The following FARS2 variants were observed in gnomAD, a reference collection of about 807,000 sequenced individuals.
The protein encoded by FARS2 is phenylalanyl-tRNA synthetase 2, mitochondrial, also known as phenylalanine--tRNA ligase, mitochondrial.
Under a neutral mutation model 46.4 loss-of-function variants are expected in FARS2, and 40 were observed. That is an observed-to-expected ratio of 0.86 (90% CI 0.67 to 1.12). FARS2 has a LOEUF of 1.12. FARS2 is among the 50% of genes most tolerant of loss of function. The pLI is 0.00. For missense variants in FARS2, 513 were observed against 567.9 expected, an observed-to-expected ratio of 0.90 and a Z score of 0.98; for synonymous variants, 234 against 214.9, an observed-to-expected ratio of 1.09 and a Z score of -0.78.
intron 5 of FARS2, among the ~76,000 whole-genome samples, chr6:5,551,808 G>A (rs1017191142): frequency 1.3e-5 from 2 of 152,054 alleles, no homozygotes; most frequent in Admixed American, 6.6e-5. Flanking sequence ...ACAGCATCAC[G>A]TTGCCTTCCC....
At chr6:5,539,245 G>C (rs1366685013) in intron 4 of FARS2, among the ~76,000 whole-genome samples, 1 of 150,418 alleles carries the variant, frequency 6.6e-6, no homozygotes, top group Admixed American at 6.6e-5. Flanking sequence ...CTCGCTCTGT[G>C]GCCCAGACTG....
intron 6 of FARS2, among the ~76,000 whole-genome samples, chr6:5,758,615 C>T (rs769894861): frequency 8.5e-5 from 13 of 152,276 alleles, no homozygotes; most frequent in African/African-American, 2.2e-4. Context: ...GCTGCCTTTA[C>T]GCTCTGCAGA....
At chr6:5,627,498 C>T (rs969902007) in intron 6 of FARS2, among the ~76,000 whole-genome samples, 13 of 152,216 alleles carry the variant, frequency 8.5e-5, no homozygotes, top group Admixed American at 6.5e-5. Flanking sequence ...GCTAATTTCT[C>T]GTAGCAGATT....
chr6:5,658,257 A>C (rs1428013213), intron 6 of FARS2, among the ~76,000 whole-genome samples: 1 of 14,236 alleles, frequency 7.0e-5, no homozygotes, highest in East Asian at 1.6e-3. Context: ...ACTCTGTCTC[A>C]AAAAAAAAAA....
At position 5,605,125 on chromosome 6, in the gene FARS2, G is replaced by A. The variant is rs548551372; in HGVS notation, c.1066-8044G>A. Reference sequence around the variant, plus strand: ...AGTGACAGATCAAAATCTAAAAAGCGAAAATGAAAAAGTCATAATCGTGCC... The same window carrying A: ...AGTGACAGATCAAAATCTAAAAAGCAAAAATGAAAAAGTCATAATCGTGCC... On this transcript the variant is annotated intron_variant, in intron 5 of 6. Transcript: ENST00000274680. 2.6e-5 allele frequency among the ~76,000 whole-genome samples: 4 copies of A among 152,180 alleles called. 1 individual carries two copies. Among genetic ancestry groups the A allele is most frequent in the South Asian group, 4.2e-4 (2 of 4,814 alleles).
At chr6:5,267,584 A>G (rs1031879258) in intron 1 of FARS2, among the ~76,000 whole-genome samples, 1 of 151,960 alleles carries the variant, frequency 6.6e-6, no homozygotes, top group Admixed American at 6.6e-5. Flanking sequence ...ACCCGTCTCT[A>G]CTAAAAAAAT....
intron 1 of FARS2, among the ~76,000 whole-genome samples, chr6:5,264,868 G>C (rs572146718): frequency 1.6e-4 from 25 of 151,946 alleles, no homozygotes; most frequent in African/African-American, 5.1e-4. Context: ...ATCATATCTC[G>C]TTGTAACTTC....
At chr6:5,687,300 T>C (rs891537011) in intron 6 of FARS2, among the ~76,000 whole-genome samples, 61 of 152,364 alleles carry the variant, frequency 4.0e-4, no homozygotes, top group Non-Finnish European at 7.6e-4. Context: ...TGGTATTGCC[T>C]AGGTTTTCTT....
intron 1 of FARS2, among the ~76,000 whole-genome samples, chr6:5,281,950 G>A (rs1420846714): frequency 6.6e-6 from 1 of 152,138 alleles, no homozygotes; most frequent in Non-Finnish European, 1.5e-5. Context: ...TAAGTGACAG[G>A]TGGTAAAATG....
intron 6 of FARS2, among the ~76,000 whole-genome samples, chr6:5,638,993 C>T (rs1776677861): frequency 6.6e-6 from 1 of 152,186 alleles, no homozygotes; most frequent in African/African-American, 2.4e-5. Flanking sequence ...CTTGTATAGC[C>T]TGTCAACTAC....
rs116562252 is a variant in FARS2, at chr6:5,277,877, A to G, written c.-22+16217A>G. Among the ~76,000 whole-genome samples the G allele has an allele frequency of 9.4e-3, 1,435 of 152,294 alleles. 22 individuals are homozygous for G. Among genetic ancestry groups the G allele is most frequent in the African/African-American group, 0.032 (1,348 of 41,554 alleles). On this transcript the variant is annotated intron_variant, in intron 1 of 6. Transcript: ENST00000274680. Reference sequence around the variant, plus strand: ...CTGCCCCCGACCCCTCATTTTAAGGAATATCACTGTACCCAGTCCATTTTG... The same window carrying G: ...CTGCCCCCGACCCCTCATTTTAAGGGATATCACTGTACCCAGTCCATTTTG...
At chr6:5,605,992 A>ACCCAGAATG (rs1308042113) in intron 5 of FARS2, among the ~76,000 whole-genome samples, 1 of 152,168 alleles carries the variant, frequency 6.6e-6, no homozygotes, top group Non-Finnish European at 1.5e-5. Context: ...TGAAGAATTC[A>ACCCAGAATG]CCCAGAATGC....
chr6:5,260,673 T>G (rs1002996135), upstream of FARS2: 2 of 1,534,536 alleles, frequency 1.3e-6, no homozygotes, highest in Non-Finnish European at 1.8e-6. Context: ...CTGAAACGCT[T>G]GCTCTCTCTC....
At chr6:5,260,929 G>A (rs2127792686), upstream of FARS2, 3 of 1,360,188 alleles carry the variant, frequency 2.2e-6, 1 homozygote, top group South Asian at 5.0e-5. Context: ...CGCCGCTTCG[G>A]GGGCGGGCGC....
intron 6 of FARS2, among the ~76,000 whole-genome samples, chr6:5,706,384 G>A (rs962984839): frequency 1.3e-5 from 2 of 152,160 alleles, no homozygotes; most frequent in African/African-American, 4.8e-5. Flanking sequence ...TCACCATCAT[G>A]ATTCTCCCAC....
chr6:5,467,304 T>C (rs1426316707), intron 4 of FARS2, among the ~76,000 whole-genome samples: 1 of 152,172 alleles, frequency 6.6e-6, no homozygotes. Context: ...TTTACTGCAG[T>C]TGGAGAATGA....
At chr6:5,580,373 G>A (rs903854257) in intron 5 of FARS2, among the ~76,000 whole-genome samples, 1 of 151,550 alleles carries the variant, frequency 6.6e-6, no homozygotes, top group Non-Finnish European at 1.5e-5. Context: ...AAGACGGTTT[G>A]ATTCTCTAGA....
intron 6 of FARS2, among the ~76,000 whole-genome samples, chr6:5,768,300 C>A (rs977716656): frequency 1.3e-5 from 2 of 152,318 alleles, no homozygotes; most frequent in Admixed American, 1.3e-4. Flanking sequence ...GTATTTATCT[C>A]ATAATCCATG....
At chr6:5,526,440 T>C (rs1332711446) in intron 4 of FARS2, among the ~76,000 whole-genome samples, 1 of 152,130 alleles carries the variant, frequency 6.6e-6, no homozygotes, top group East Asian at 1.9e-4. Context: ...CTTTTATCAT[T>C]CATATATTTA....
Sources: allele counts gnomAD v4.1 joint callset (sites outside exome capture counted in the v4.1 genomes callset), GRCh38; gene constraint gnomAD v4.1.1; transcripts MANE v1.5; gene names NCBI Gene and HGNC (gene_info 2026-07-23, HGNC 2026-07-21).